The following CARM1 variants were observed in gnomAD, a reference collection of about 807,000 sequenced individuals.
CARM1 encodes histone-arginine methyltransferase CARM1.
CARM1 carries 14 observed loss-of-function variants against 72.7 expected under a neutral mutation model. The observed-to-expected ratio is 0.19, with a 90% confidence interval of 0.13 to 0.30. The LOEUF is 0.30. Among genes scored for constraint, CARM1 ranks in the 10% least tolerant of loss-of-function variants. The pLI is 1.00. For synonymous variants in CARM1, 333 were observed against 345.5 expected, an observed-to-expected ratio of 0.96 and a Z score of 0.40; for missense variants, 432 against 833.7, an observed-to-expected ratio of 0.52 and a Z score of 5.93.
rs1349660106 is a variant in CARM1, at chr19:10,905,085, C to T, written c.346+9C>T. On this transcript the variant is annotated intron_variant, in intron 2 of 15. Transcript: ENST00000327064. ...GTTCGCCACACCCAACGGTACGTGG[C>T]CCTCCTTCCATTCCGGTGACACCAG... is the stretch of plus-strand genomic sequence containing the variant. The T allele has an allele frequency of 1.2e-6, 2 of 1,612,424 alleles. No individual in the cohort carries two copies. Among genetic ancestry groups the T allele is most frequent in the African/African-American group, 1.3e-5 (1 of 74,928 alleles).
chr19:10,908,161 C>T lies in CARM1; in HGVS notation c.453+16C>T, dbSNP rs367737066. ...GTACTTCCAGGTGGGTTGTACTCCC[C>T]CTCAGCCAGGCCGCCTCCCCCCGGC... On this transcript the variant is annotated intron_variant, in intron 3 of 15. Transcript: ENST00000327064. 2 of 1,575,814 alleles carry T rather than the reference C, an allele frequency of 1.3e-6. No individual in the cohort carries two copies. Among genetic ancestry groups the T allele is most frequent in the East Asian group, 4.5e-5 (2 of 44,692 alleles).
chr19:10,884,026 T>TGG (rs2073921892), intron 1 of CARM1, among the ~76,000 whole-genome samples: 1 of 145,042 alleles, frequency 6.9e-6, no homozygotes, highest in Non-Finnish European at 1.5e-5. Flanking sequence ...TTTTTTTTTT[T>TGG]TTTTCGTTTT....
chr19:10,912,685 C>T lies in CARM1; in HGVS notation c.669+391C>T, dbSNP rs2074161568. On this transcript the variant is annotated intron_variant, in intron 5 of 15. Coordinates refer to ENST00000327064, the MANE Select transcript of CARM1 (RefSeq NM_199141.2). This position sits in a 1 kb window ranked among gnomAD's most constrained non-coding sequence, Gnocchi z 4.5. ...CTGAGCAGAGCTATTCCGTGAGCGTCCTCTCGCACCAGTGGAGGCTGCACC... is the reference window on the plus strand; with the variant it reads ...CTGAGCAGAGCTATTCCGTGAGCGTTCTCTCGCACCAGTGGAGGCTGCACC... Among the ~76,000 whole-genome samples the T allele has an allele frequency of 6.6e-6, 1 of 151,980 alleles. No individual in the cohort carries two copies. Among genetic ancestry groups the T allele is most frequent in the African/African-American group, 2.4e-5 (1 of 41,400 alleles).
intron 1 of CARM1, among the ~76,000 whole-genome samples, chr19:10,888,687 C>T (rs1318006764): frequency 1.3e-5 from 2 of 152,170 alleles, no homozygotes; most frequent in Non-Finnish European, 2.9e-5. Context: ...ATCCACTAAG[C>T]TCCCGCGCTT....
At chr19:10,903,848 G>C (rs569294965) in intron 1 of CARM1, among the ~76,000 whole-genome samples, 1 of 152,104 alleles carries the variant, frequency 6.6e-6, no homozygotes, top group Admixed American at 6.6e-5. Flanking sequence ...GACAACAGGC[G>C]CATGCCACCA....
chr19:10,876,113 A>T (rs1305613086), intron 1 of CARM1, among the ~76,000 whole-genome samples: 2 of 149,918 alleles, frequency 1.3e-5, no homozygotes, highest in African/African-American at 4.9e-5. Flanking sequence ...TCCTGACCTC[A>T]GGTGATCCGC....
Position 10,921,765 on chromosome 19 carries a change from C to T in CARM1, c.*8C>T, listed in dbSNP as rs778767347. 46 of 1,576,182 alleles carry T rather than the reference C, an allele frequency of 2.9e-5. No individual in the cohort carries two copies. Among genetic ancestry groups the T allele is most frequent in the Non-Finnish European group, 4.0e-5 (46 of 1,156,826 alleles). On this transcript the variant is annotated 3_prime_UTR_variant, in exon 16 of 16. Transcript: ENST00000327064. Reference sequence around the variant, plus strand: ...ATGCACTACGGGAGCTAGGGGCCCGCCCCGCGGACTGACAGCACCAGGAAA... The same window carrying T: ...ATGCACTACGGGAGCTAGGGGCCCGTCCCGCGGACTGACAGCACCAGGAAA...
intron 1 of CARM1, among the ~76,000 whole-genome samples, chr19:10,892,006 C>T (rs2073991629): frequency 6.6e-6 from 1 of 152,152 alleles, no homozygotes. Flanking sequence ...GTGCACTGCC[C>T]CTCCTCCCTC....
intron 2 of CARM1, 32 bp downstream of exon 2, chr19:10,905,108 C>G (rs769347540): frequency 6.2e-7 from 1 of 1,607,370 alleles, no homozygotes; most frequent in Non-Finnish European, 8.5e-7. Context: ...CCGGTGACAC[C>G]AGCCCAAAGC....
rs1295457306 is a variant in CARM1 at position 10,896,292 on chromosome 19, T to G, written c.221-8659T>G. ...CCCACCATTCTCTAGTGTATTTTCT[T>G]CAAGTCTGGGGCTAGGGAATCCTTA... On this transcript the variant is annotated intron_variant, in intron 1 of 15. Coordinates refer to ENST00000327064, the MANE Select transcript of CARM1 (RefSeq NM_199141.2). The surrounding 1 kb of genome is among the most constrained non-coding windows in gnomAD (Gnocchi z 5.2). Among the ~76,000 whole-genome samples the G allele has an allele frequency of 1.3e-5, 2 of 151,926 alleles. No homozygotes were observed. The highest frequency in any genetic ancestry group is 2.9e-5 in the Non-Finnish European group (2 of 67,940).
intron 1 of CARM1, among the ~76,000 whole-genome samples, chr19:10,875,346 G>A (rs1184584623): frequency 2.6e-5 from 4 of 151,630 alleles, no homozygotes; most frequent in African/African-American, 7.3e-5. Context: ...TTTTTTTAAA[G>A]TGAGATGGAG....
chr19:10,892,010 C>A (rs1298365692), intron 1 of CARM1, among the ~76,000 whole-genome samples: 1 of 152,204 alleles, frequency 6.6e-6, no homozygotes, highest in Admixed American at 6.5e-5. Context: ...ACTGCCCCTC[C>A]TCCCTCTGTC....
intron 1 of CARM1, among the ~76,000 whole-genome samples, chr19:10,899,477 T>TG (rs1368722613): frequency 6.6e-6 from 1 of 152,146 alleles, no homozygotes; most frequent in African/African-American, 2.4e-5. Context: ...TGGGAGCACT[T>TG]TATCTTGGGC....
chr19:10,874,423 A>G (rs1287158769), intron 1 of CARM1, among the ~76,000 whole-genome samples: 1 of 149,140 alleles, frequency 6.7e-6, no homozygotes, highest in Non-Finnish European at 1.5e-5. Context: ...ACAGGGCCTC[A>G]CTCTGTTGCT....
rs141607549 is a variant in CARM1 at position 10,904,574 on chromosome 19, A to C, written c.221-377A>C. Among the ~76,000 whole-genome samples the C allele has an allele frequency of 4.7e-4, 71 of 152,350 alleles. No individual in the cohort carries two copies. The East Asian group carries it at 0.013, about 27-fold the overall frequency. On this transcript the variant is annotated intron_variant, in intron 1 of 15. Coordinates refer to ENST00000327064, the MANE Select transcript of CARM1 (RefSeq NM_199141.2). ...CGGTCTGACTCCACTGGCCACATGC[A>C]GTCACTGCTCTGCGCCCATCCAAGA...
chr19:10,875,749 A>T (rs1002992417), intron 1 of CARM1, among the ~76,000 whole-genome samples: 2 of 150,800 alleles, frequency 1.3e-5, no homozygotes, highest in Admixed American at 6.7e-5. Context: ...TTATAAGGAC[A>T]CTGGGCATTG....
chr19:10,889,068 C>G (rs1016705914), intron 1 of CARM1, among the ~76,000 whole-genome samples: 4 of 152,180 alleles, frequency 2.6e-5, no homozygotes, highest in African/African-American at 4.8e-5. Context: ...GTCCTCAGTT[C>G]AGGGGGCTTT....
chr19:10,875,355 A>C (rs1418446923), intron 1 of CARM1, among the ~76,000 whole-genome samples: 1 of 150,492 alleles, frequency 6.6e-6, no homozygotes, highest in African/African-American at 2.4e-5. Flanking sequence ...AGTGAGATGG[A>C]GTCTCGCCGT....
At chr19:10,902,317 G>A (rs1379943963) in intron 1 of CARM1, among the ~76,000 whole-genome samples, 5 of 135,832 alleles carry the variant, frequency 3.7e-5, no homozygotes, top group African/African-American at 1.1e-4. Context: ...TTTTTGAGAC[G>A]GAGTCTTACT....
Sources: gnomAD v4.1 joint callset for allele counts (sites outside exome capture counted in the v4.1 genomes callset) on GRCh38, gnomAD v4.1.1 for gene constraint, Gnocchi (gnomAD v3.1) non-coding constraint, MANE v1.5 for transcripts, NCBI Gene and HGNC (gene_info 2026-07-23, HGNC 2026-07-21) for gene names.